The following KHDRBS3 variants were observed in gnomAD, a reference collection of about 807,000 sequenced individuals.
KHDRBS3 encodes the protein KH domain-containing, RNA-binding, signal transduction-associated protein 3.
In KHDRBS3, 23 loss-of-function variants were observed where a neutral mutation model predicts 45.6. The ratio of observed to expected loss-of-function variants is 0.50; its 90% confidence interval spans 0.36 to 0.72. KHDRBS3 has a LOEUF of 0.72. Ranked by LOEUF, KHDRBS3 falls within the 30% of genes least tolerant of loss-of-function variation. KHDRBS3 has a pLI of 0.00. For synonymous variants in KHDRBS3, 162 were observed against 156.5 expected (o/e 1.04, Z -0.26); for missense variants, 352 against 424.8 (o/e 0.83, Z 1.51).
intron 2 of KHDRBS3, among the ~76,000 whole-genome samples, chr8:135,535,289 CTA>C (rs1825683384): frequency 8.4e-6 from 1 of 119,138 alleles, no homozygotes; most frequent in Admixed American, 8.9e-5. Flanking sequence ...TATATATAAA[CTA>C]TTATATATAG....
rs376255436 is a variant in KHDRBS3 at position 135,616,168 on chromosome 8, G to A, written c.890+9131G>A. Among the ~76,000 whole-genome samples the A allele has an allele frequency of 3.9e-5, 6 of 152,256 alleles. No individual in the cohort carries two copies. In the East Asian group the frequency reaches 1.2e-3, roughly 29 times the overall value. On this transcript the variant is annotated intron_variant, in intron 7 of 8. Coordinates refer to ENST00000355849, the MANE Select transcript of KHDRBS3 (RefSeq NM_006558.3). ...TGTCATTTAATTCCTAAGAACTTCT[G>A]TAGGATTGTCATTCCTTAATTTTAC...
intron 1 of KHDRBS3, among the ~76,000 whole-genome samples, chr8:135,477,717 A>AAG (rs1822361791): frequency 6.6e-6 from 1 of 152,222 alleles, no homozygotes; most frequent in African/African-American, 2.4e-5. Flanking sequence ...TCTTGAGATG[A>AAG]AGAGAGTATC....
intron 2 of KHDRBS3, among the ~76,000 whole-genome samples, chr8:135,534,770 T>G (rs759663482): frequency 2.8e-4 from 42 of 152,176 alleles, no homozygotes; most frequent in Non-Finnish European, 4.9e-4. Flanking sequence ...CTTACCTGAT[T>G]GCATGCAGCA....
rs1828226637 is a variant in KHDRBS3, at chr8:135,581,878, G to A, written c.612G>A (p.Arg204=). 1 of 1,581,938 alleles carries A rather than the reference G, an allele frequency of 6.3e-7. No individual in the cohort carries two copies. Among genetic ancestry groups the A allele is most frequent in the Non-Finnish European group, 8.6e-7 (1 of 1,159,320 alleles). Residue 204 remains arginine (R), a splice_region_variant and synonymous_variant, in exon 6 of 9, where the codon AGG becomes AGA. Coordinates refer to ENST00000355849, the MANE Select transcript of KHDRBS3 (RefSeq NM_006558.3). ...GCTAATTTGACTCTCTTGGTTACAG[G>A]GGAAGGGGAGGAGTTACAGCCCGGC... ...TRGVPAPAIT[R]GRGGVTARPV... is the part of the protein sequence containing the mutation.
intron 2 of KHDRBS3, among the ~76,000 whole-genome samples, chr8:135,536,594 A>G (rs536355551): frequency 6.6e-6 from 1 of 152,276 alleles, no homozygotes; most frequent in Admixed American, 6.5e-5. Context: ...AAAGGACTCT[A>G]CAGTGGTCCA....
intron 7 of KHDRBS3, among the ~76,000 whole-genome samples, chr8:135,621,655 T>C (rs1830144874): frequency 6.6e-6 from 1 of 150,782 alleles, no homozygotes; most frequent in Non-Finnish European, 1.5e-5. Context: ...CAGTAATAGA[T>C]GACCATTCTA....
chr8:135,469,781 C>T (rs564683982), intron 1 of KHDRBS3, among the ~76,000 whole-genome samples: 1 of 152,198 alleles, frequency 6.6e-6, no homozygotes, highest in Non-Finnish European at 1.5e-5. Flanking sequence ...CCCGCCTTGG[C>T]CTCCCAAAGT....
chr8:135,594,571 G>A (rs368547471), intron 6 of KHDRBS3, among the ~76,000 whole-genome samples: 1 of 152,176 alleles, frequency 6.6e-6, no homozygotes, highest in African/African-American at 2.4e-5. Flanking sequence ...ACACATTAAA[G>A]GTGATAAATA....
intron 2 of KHDRBS3, among the ~76,000 whole-genome samples, chr8:135,525,377 T>TC (rs1248031566): frequency 2.6e-5 from 4 of 152,096 alleles, no homozygotes; most frequent in African/African-American, 9.7e-5. Context: ...TTTCTAGTAT[T>TC]CCCCCCTCAC....
chr8:135,656,038 T>C (rs1331022293), intron 4 of KHDRBS3, among the ~76,000 whole-genome samples: 1 of 152,220 alleles, frequency 6.6e-6, no homozygotes, highest in Non-Finnish European at 1.5e-5. Context: ...TGTCTGTCTT[T>C]ATTGAACACA....
chr8:135,527,351 G>C (rs1825243859), intron 2 of KHDRBS3, among the ~76,000 whole-genome samples: 1 of 152,224 alleles, frequency 6.6e-6, no homozygotes, highest in Admixed American at 6.5e-5. Flanking sequence ...TAAAGAGTCT[G>C]GCTGGCTGGG....
intron 2 of KHDRBS3, chr8:135,538,857 C>G (rs1825907574): frequency 6.6e-6 from 1 of 152,110 alleles, no homozygotes; most frequent in Non-Finnish European, 1.5e-5. Flanking sequence ...CTCAGTCCAT[C>G]TATTAGTTAG....
chr8:135,631,390 T>G (rs1243689123), intron 7 of KHDRBS3, among the ~76,000 whole-genome samples: 4 of 152,178 alleles, frequency 2.6e-5, no homozygotes, highest in Non-Finnish European at 1.5e-5. Flanking sequence ...ACAAACATAT[T>G]GTACAACTAT....
Position 135,521,288 on chromosome 8 carries a change from A to G in KHDRBS3, c.140A>G (p.Asp47Gly), listed in dbSNP as rs746103125. The G allele has an allele frequency of 1.9e-6, 3 of 1,613,772 alleles. No individual in the cohort carries two copies. The South Asian group carries it at 3.3e-5, about 18-fold the overall frequency. ...GGCAAGGATGAAGAAAAGTACATCG[A>G]TGTGGTGATTAATAAGAACATGAAG... ...GEGKDEEKYI[D>G]VVINKNMKLG... Residue 47 changes from aspartate (D) to glycine (G), a missense_variant, in exon 2 of 9, where the codon GAT (aspartate) becomes GGT (glycine). Around this residue, in one of 6 missense-constraint regions of KHDRBS3, gnomAD observed 58 missense variants for 64.5 expected, o/e 0.90. Coordinates refer to ENST00000355849, the MANE Select transcript of KHDRBS3 (RefSeq NM_006558.3).
At chr8:135,611,014 G>A (rs1291548107) in intron 7 of KHDRBS3, among the ~76,000 whole-genome samples, 1 of 151,862 alleles carries the variant, frequency 6.6e-6, no homozygotes, top group Non-Finnish European at 1.5e-5. Context: ...GAGCCCAGAG[G>A]CAGAGACTAA....
At chr8:135,549,079 A>G (rs1826454230) in intron 4 of KHDRBS3, 179 bp downstream of exon 4, 4 of 394,950 alleles carry the variant, frequency 1.0e-5, no homozygotes, top group African/African-American at 8.3e-5. Context: ...TTCCTTATGT[A>G]TATATGAGGT....
chr8:135,565,068 C>G (rs373481810), intron 5 of KHDRBS3, among the ~76,000 whole-genome samples: 8 of 152,152 alleles, frequency 5.3e-5, no homozygotes, highest in African/African-American at 1.9e-4. Context: ...CATTGGCTGT[C>G]GTGGATAATC....
intron 5 of KHDRBS3, among the ~76,000 whole-genome samples, chr8:135,562,911 G>T (rs558697041): frequency 1.4e-4 from 22 of 152,252 alleles, no homozygotes; most frequent in South Asian, 4.1e-4. Context: ...CCATAAATTG[G>T]CCTTCATATG....
rs12542187 is a variant in KHDRBS3 at position 135,514,435 on chromosome 8, A to C, written c.89-6802A>C. Among the ~76,000 whole-genome samples the C allele has an allele frequency of 5.4e-3, 819 of 152,342 alleles. 8 individuals carry two copies. The highest frequency in any genetic ancestry group is 0.019 in the Admixed American group (286 of 15,310). Reference sequence around the variant, plus strand: ...TGCCCCGTGGATGAGCCTTGAGGGCATTATGCTAAGTGAAATAAGCCAAGC... The same window carrying C: ...TGCCCCGTGGATGAGCCTTGAGGGCCTTATGCTAAGTGAAATAAGCCAAGC... On this transcript the variant is annotated intron_variant, in intron 1 of 8. Coordinates refer to ENST00000355849, the MANE Select transcript of KHDRBS3 (RefSeq NM_006558.3).
Sources: allele counts gnomAD v4.1 joint callset (sites outside exome capture counted in the v4.1 genomes callset), GRCh38; gene constraint gnomAD v4.1.1; regional missense constraint gnomAD v4.1.1; transcripts MANE v1.5; gene names NCBI Gene and HGNC (gene_info 2026-07-23, HGNC 2026-07-21).